The following SMAP1 variants were observed in gnomAD, a reference collection of about 807,000 sequenced individuals.
The protein encoded by SMAP1 is small ArfGAP 1, also known as stromal membrane-associated protein 1.
SMAP1 carries 24 observed loss-of-function variants against 58.5 expected under a neutral mutation model. The ratio of observed to expected loss-of-function variants is 0.41; its 90% CI spans 0.30 to 0.58. The LOEUF (loss-of-function observed/expected upper bound fraction) is 0.58, where lower values mean the gene tolerates loss of function less well. Among genes scored for constraint, SMAP1 ranks in the 20% least tolerant of loss-of-function variants. The pLI is 0.29. For synonymous variants in SMAP1, 216 were observed against 196.6 expected, an observed-to-expected ratio of 1.10 and a Z score of -0.82; for missense variants, 563 against 566.3, an observed-to-expected ratio of 0.99 and a Z score of 0.06.
At chr6:70,791,600 A>G in intron 4 of SMAP1, 89 bp from the exon 5 acceptor site, 1 of 1,076,350 alleles carries the variant, frequency 9.3e-7, no homozygotes, top group Non-Finnish European at 1.4e-6. Flanking sequence ...TCTCAAAAAT[A>G]TACAGGGATT....
At chr6:70,859,828 C>CAA (rs1215447592) in intron 10 of SMAP1, 9 of 181,270 alleles carry the variant, frequency 5.0e-5, no homozygotes, top group East Asian at 1.5e-4. Flanking sequence ...ATCTATCATA[C>CAA]AAAGTTTATA....
intron 1 of SMAP1, among the ~76,000 whole-genome samples, chr6:70,701,223 G>A (rs1057483851): frequency 1.3e-5 from 2 of 152,038 alleles, no homozygotes; most frequent in African/African-American, 4.8e-5. Context: ...TGGGACTATA[G>A]GCACACACCA....
chr6:70,668,742 T>C (rs1372931822), intron 1 of SMAP1: 130 of 1,535,144 alleles, frequency 8.5e-5, no homozygotes, highest in Non-Finnish European at 9.9e-5. Context: ...ACGGAATAAA[T>C]TAATTGGAGA....
At chr6:70,716,949 A>G (rs1425418100) in intron 1 of SMAP1, among the ~76,000 whole-genome samples, 1 of 152,116 alleles carries the variant, frequency 6.6e-6, no homozygotes, top group African/African-American at 2.4e-5. Context: ...TGTGCATTAG[A>G]TAAGACTACT....
intron 3 of SMAP1, among the ~76,000 whole-genome samples, chr6:70,772,526 T>C (rs1420291012): frequency 6.6e-6 from 1 of 152,172 alleles, no homozygotes; most frequent in Non-Finnish European, 1.5e-5. Flanking sequence ...GAGGAGCTCA[T>C]GTCACTAAAG....
At chr6:70,698,888 A>G (rs999888274) in intron 1 of SMAP1, among the ~76,000 whole-genome samples, 1 of 152,216 alleles carries the variant, frequency 6.6e-6, no homozygotes, top group South Asian at 2.1e-4. Flanking sequence ...GGGATTGATC[A>G]TTTGTGCCTT....
At chr6:70,744,293 T>C (rs1765933635) in intron 2 of SMAP1, among the ~76,000 whole-genome samples, 1 of 152,088 alleles carries the variant, frequency 6.6e-6, no homozygotes, top group African/African-American at 2.4e-5. Flanking sequence ...TAATTTACAT[T>C]AGGTATTTCT....
intron 1 of SMAP1, among the ~76,000 whole-genome samples, chr6:70,696,509 C>G (rs1021244876): frequency 6.6e-6 from 1 of 152,070 alleles, no homozygotes; most frequent in African/African-American, 2.4e-5. Context: ...ACGCCTTGGC[C>G]TTTCAGGAGA....
In SMAP1 at chr6:70,860,415, T is replaced by C. The variant is rs1193702931; in HGVS notation, c.*81T>C. The stretch of plus-strand genomic sequence containing the variant: ...CATCTAGTTCCCCTGTTTATTCATA[T>C]GCATATTTTTTTTCTTTTTACCCAT... On this transcript the variant is annotated 3_prime_UTR_variant, in exon 11 of 11. Coordinates refer to ENST00000370455, the MANE Select transcript of SMAP1 (RefSeq NM_001044305.3). 5.3e-6 allele frequency: 8 copies of C among 1,499,524 alleles called. No individual in the cohort carries two copies. The highest frequency in any genetic ancestry group is 1.4e-5 in the African/African-American group (1 of 70,936). The allele number at this position is 1,499,524 out of a possible 1,614,324, so 92.9% of individuals were successfully genotyped here. A position where few individuals can be genotyped will look rare whatever the true frequency, so the allele number is the denominator to read the frequency against.
At chr6:70,763,809 T>G (rs560081887) in intron 3 of SMAP1, among the ~76,000 whole-genome samples, 7 of 152,222 alleles carry the variant, frequency 4.6e-5, no homozygotes, top group Non-Finnish European at 8.8e-5. Flanking sequence ...CAAAGCCTAA[T>G]CCTTAACAAA....
intron 2 of SMAP1, among the ~76,000 whole-genome samples, chr6:70,746,194 A>T (rs1766024818): frequency 6.6e-6 from 1 of 152,192 alleles, no homozygotes; most frequent in South Asian, 2.1e-4. Flanking sequence ...CCCTGGCCAG[A>T]ACTTCCAACA....
At chr6:70,812,732 C>G (rs971735906) in intron 6 of SMAP1, among the ~76,000 whole-genome samples, 1 of 152,138 alleles carries the variant, frequency 6.6e-6, no homozygotes, top group African/African-American at 2.4e-5. Context: ...TGTCCATTAC[C>G]TATGTTTTCA....
In SMAP1 at chr6:70,667,917, T is replaced by C; in HGVS notation, c.-107T>C. On this transcript the variant is annotated 5_prime_UTR_variant, in exon 1 of 11. Transcript: ENST00000370455. ...CAGCTGCCGCTGCCGCTTCCTGGGC[T>C]GAGTCCGCCCGCGGTCCCGGCGGCG... The C allele has an allele frequency of 1.1e-6, 1 of 930,026 alleles. No individual in the cohort carries two copies. The highest frequency in any genetic ancestry group is 1.6e-6 in the Non-Finnish European group (1 of 636,888). 57.6% of individuals were successfully genotyped at this position (930,026 alleles called of 1,614,324 possible). A position where few individuals can be genotyped will look rare whatever the true frequency, so the allele number is the denominator to read the frequency against.
intron 4 of SMAP1, among the ~76,000 whole-genome samples, chr6:70,773,963 A>G (rs906425425): frequency 6.6e-6 from 1 of 152,202 alleles, no homozygotes; most frequent in African/African-American, 2.4e-5. Flanking sequence ...TGTATATACA[A>G]CGTTGGTCCT....
At chr6:70,780,320 C>T (rs1228762334) in intron 4 of SMAP1, among the ~76,000 whole-genome samples, 2 of 152,104 alleles carry the variant, frequency 1.3e-5, no homozygotes, top group Admixed American at 1.3e-4. Context: ...TCATGTCTGT[C>T]ATCCCAGCAC....
At chr6:70,824,580 G>T (rs1332729656) in intron 6 of SMAP1, among the ~76,000 whole-genome samples, 1 of 151,938 alleles carries the variant, frequency 6.6e-6, no homozygotes, top group Non-Finnish European at 1.5e-5. Context: ...TTTATATTAT[G>T]CAGTGAAGTT....
chr6:70,766,212 G>A (rs1468427962), intron 3 of SMAP1, among the ~76,000 whole-genome samples: 4 of 152,174 alleles, frequency 2.6e-5, no homozygotes, highest in Non-Finnish European at 5.9e-5. Flanking sequence ...ACATACATGT[G>A]CATCTGTCTT....
chr6:70,859,706 C>A, intron 10 of SMAP1: 1 of 204,154 alleles, frequency 4.9e-6, no homozygotes. Context: ...TTATTGCATA[C>A]AATGAAAATA....
At chr6:70,848,826 A>G (rs1411700802) in intron 7 of SMAP1, among the ~76,000 whole-genome samples, 1 of 152,254 alleles carries the variant, frequency 6.6e-6, no homozygotes, top group Non-Finnish European at 1.5e-5. Context: ...TAATGTGTTA[A>G]GCAAGCCAAA....
Sources: gnomAD v4.1 joint callset for allele counts (sites outside exome capture counted in the v4.1 genomes callset) on GRCh38, gnomAD v4.1.1 for gene constraint, MANE v1.5 for transcripts, NCBI Gene and HGNC (gene_info 2026-07-23, HGNC 2026-07-21) for gene names.